TMEM106B: variants seen among roughly 807,000 people sequenced by gnomAD.
TMEM106B encodes transmembrane protein 106B.
Under a neutral mutation model 31.1 loss-of-function variants are expected in TMEM106B, and 15 were observed. That is an observed-to-expected ratio of 0.48 (90% CI 0.32 to 0.74). TMEM106B has a LOEUF of 0.74. TMEM106B is among the 30% of genes least tolerant of loss of function. TMEM106B has a pLI of 0.03. For synonymous variants in TMEM106B, 126 were observed against 112.5 expected (o/e 1.12, Z -0.76); for missense variants, 283 against 327.3 (o/e 0.86, Z 1.04).
chr7:12,235,947 TTC>T lies in TMEM106B; in HGVS notation c.*3978_*3979del, dbSNP rs1375957583. On this transcript the variant is annotated 3_prime_UTR_variant, in exon 8 of 8. Coordinates refer to ENST00000396668, the MANE Select transcript of TMEM106B (RefSeq NM_001134232.2). ...GTACATATAAGAGTAATTAGTTTTA[TTC>T]TCTCTTTTTTATAAAATCGGGTTTC... 1 of 151,352 alleles carries T rather than the reference TTC, an allele frequency of 6.6e-6. No individual in the cohort carries two copies. Among genetic ancestry groups the T allele is most frequent in the Non-Finnish European group, 1.5e-5 (1 of 67,766 alleles). 9.4% of individuals were successfully genotyped at this position (151,352 alleles called of 1,614,324 possible).
chr7:12,234,399 A>T lies in TMEM106B; in HGVS notation c.*2424A>T, dbSNP rs1782087668. 1 of 151,858 alleles carries T rather than the reference A, an allele frequency of 6.6e-6. No individual in the cohort carries two copies. The highest frequency in any genetic ancestry group is 1.5e-5 in the Non-Finnish European group (1 of 67,788). The allele number at this position is 151,858 out of a possible 1,614,324, so 9.4% of individuals were successfully genotyped here. On this transcript the variant is annotated 3_prime_UTR_variant, in exon 8 of 8. Transcript: ENST00000396668. The stretch of plus-strand genomic sequence containing the variant: ...TGAAACAAGTAAAAAGATAGAAGAG[A>T]AATAAAGATGGTATGTGACTACTTT...
chr7:12,221,102 G>A (rs1360592121), intron 3 of TMEM106B, among the ~76,000 whole-genome samples: 1 of 151,988 alleles, frequency 6.6e-6, no homozygotes, highest in African/African-American at 2.4e-5. Context: ...GTGTGTGTGT[G>A]TGTGTGTGTC....
intron 3 of TMEM106B, 85 bp from the exon 4 acceptor site, chr7:12,224,141 G>A: frequency 8.0e-7 from 1 of 1,254,746 alleles, no homozygotes; most frequent in Non-Finnish European, 1.1e-6. Context: ...GCTGATATAT[G>A]GGGGAAATTG....
chr7:12,220,109 A>C (rs1727124827), intron 3 of TMEM106B, among the ~76,000 whole-genome samples: 2 of 152,208 alleles, frequency 1.3e-5, no homozygotes, highest in African/African-American at 4.8e-5. Context: ...CAAACGGATA[A>C]GCAATGGTGT....
At chr7:12,228,820 T>G (rs1390603699) in intron 4 of TMEM106B, among the ~76,000 whole-genome samples, 1 of 152,112 alleles carries the variant, frequency 6.6e-6, no homozygotes, top group Non-Finnish European at 1.5e-5. Flanking sequence ...TAAAGCAATA[T>G]TCCATTTTTA....
In TMEM106B at chr7:12,237,516, A is replaced by T. The variant is rs1782161562; in HGVS notation, c.*5541A>T. The T allele has an allele frequency of 6.6e-6, 1 of 152,114 alleles. No individual in the cohort carries two copies. Among genetic ancestry groups the T allele is most frequent in the South Asian group, 2.1e-4 (1 of 4,828 alleles). 9.4% of individuals were successfully genotyped at this position (152,114 alleles called of 1,614,324 possible). ...GATATTATAGACATACCTTGGATAT[A>T]TTGCAGGTTTGGTTCCACACCATAT... On this transcript the variant is annotated 3_prime_UTR_variant, in exon 8 of 8. Transcript: ENST00000396668.
rs200845239 is a variant in TMEM106B, at chr7:12,224,394, A to C, written c.441+9A>C. 6.3e-7 allele frequency: 1 copy of C among 1,592,906 alleles called. No homozygotes were observed. The highest frequency in any genetic ancestry group is 1.3e-5 in the African/African-American group (1 of 74,456). ...TTTATTTAAATATCACAGTGAGTAT[A>C]AATTTATATGAAAAATGTTTAACTT... On this transcript the variant is annotated intron_variant, in intron 4 of 7. Coordinates refer to ENST00000396668, the MANE Select transcript of TMEM106B (RefSeq NM_001134232.2).
At position 12,240,058 on chromosome 7, in the gene TMEM106B, G is replaced by GA. The variant is rs5882348; in HGVS notation, c.*8088dup. The GA allele has an allele frequency of 0.99, 150,252 of 152,148 alleles. 74,206 individuals carry two copies. The highest frequency in any genetic ancestry group is 1 in the East Asian group (5,145 of 5,148). 9.4% of individuals were successfully genotyped at this position (152,148 alleles called of 1,614,324 possible). A position where few individuals can be genotyped will look rare whatever the true frequency, so the allele number is the denominator to read the frequency against. On this transcript the variant is annotated 3_prime_UTR_variant, in exon 8 of 8. Coordinates refer to ENST00000396668, the MANE Select transcript of TMEM106B (RefSeq NM_001134232.2). ...TATCTGCACTTCCTTCTTTTTTACT[G>GA]AAAAAGCCCAAGTTCTTACTCTGGT...
chr7:12,226,941 C>CT (rs986699164), intron 4 of TMEM106B, among the ~76,000 whole-genome samples: 2 of 151,828 alleles, frequency 1.3e-5, no homozygotes, highest in Non-Finnish European at 2.9e-5. Context: ...ATTGGCCAGA[C>CT]TTTTTTTGGC....
chr7:12,225,433 A>G (rs76854159), intron 4 of TMEM106B, among the ~76,000 whole-genome samples: 79,267 of 151,946 alleles, frequency 0.52, 22,063 homozygotes, highest in African/African-American at 0.71. Flanking sequence ...AGATCCTTGA[A>G]GAATCACCAC....
At position 12,235,719 on chromosome 7, in the gene TMEM106B, A is replaced by ACTG. The variant is rs1782118933; in HGVS notation, c.*3744_*3745insCTG. ...AGAATAAACAGTTCTTTATATAATA[A>ACTG]TTATATTTTATTTAAGAAAATAGTT... On this transcript the variant is annotated 3_prime_UTR_variant, in exon 8 of 8. Transcript: ENST00000396668. 1 of 151,712 alleles carries ACTG rather than the reference A, an allele frequency of 6.6e-6. No homozygotes were observed. Among genetic ancestry groups the ACTG allele is most frequent in the Non-Finnish European group, 1.5e-5 (1 of 67,808 alleles). The allele number at this position is 151,712 out of a possible 1,614,324, so 9.4% of individuals were successfully genotyped here.
In TMEM106B at chr7:12,214,982, A is replaced by G; in HGVS notation, c.172A>G (p.Ser58Gly). Residue 58 changes from serine to glycine, a missense_variant, in exon 2 of 8, where the codon AGT (serine) becomes GGT (glycine). Coordinates refer to ENST00000396668, the MANE Select transcript of TMEM106B (RefSeq NM_001134232.2). Reference protein sequence around the residue: ...FPYVEFTGRDSVTCPTCQGTG... With the variant: ...FPYVEFTGRDGVTCPTCQGTG... ...ATATGTGGAATTTACAGGAAGAGAT[A>G]GTGTCACCTGCCCTACTTGTCAGGG... 1 of 1,614,038 alleles carries G rather than the reference A, an allele frequency of 6.2e-7. No homozygotes were observed. The highest frequency in any genetic ancestry group is 8.5e-7 in the Non-Finnish European group (1 of 1,179,942).
chr7:12,241,583 A>G lies in TMEM106B; in HGVS notation c.*9608A>G, dbSNP rs2128530285. Reference sequence around the variant, plus strand: ...ATATCCCTGAAAAGGACATGAACTCATCCTTTTTTATGGCTGCATAGTATT... The same window carrying G: ...ATATCCCTGAAAAGGACATGAACTCGTCCTTTTTTATGGCTGCATAGTATT... On this transcript the variant is annotated 3_prime_UTR_variant, in exon 8 of 8. Transcript: ENST00000396668. The G allele has an allele frequency of 6.6e-6, 1 of 152,268 alleles. No homozygotes were observed. The highest frequency in any genetic ancestry group is 2.4e-5 in the African/African-American group (1 of 41,534). 9.4% of individuals were successfully genotyped at this position (152,268 alleles called of 1,614,324 possible). A position where few individuals can be genotyped will look rare whatever the true frequency, so the allele number is the denominator to read the frequency against.
chr7:12,238,715 G>C lies in TMEM106B; in HGVS notation c.*6740G>C, dbSNP rs569363940. 1 of 152,096 alleles carries C rather than the reference G, an allele frequency of 6.6e-6. No individual in the cohort carries two copies. The highest frequency in any genetic ancestry group is 1.5e-5 in the Non-Finnish European group (1 of 68,030). 9.4% of individuals were successfully genotyped at this position (152,096 alleles called of 1,614,324 possible). A position where few individuals can be genotyped will look rare whatever the true frequency, so the allele number is the denominator to read the frequency against. ...TATTTGTACATCATCAGAGCTGTTG[G>C]GTGACCAGGTACATTGTCAATGAGT... On this transcript the variant is annotated 3_prime_UTR_variant, in exon 8 of 8. Transcript: ENST00000396668.
chr7:12,216,441 C>T (rs1332685893), intron 2 of TMEM106B, among the ~76,000 whole-genome samples: 5 of 151,996 alleles, frequency 3.3e-5, no homozygotes, highest in African/African-American at 1.2e-4. Flanking sequence ...CAAGTTTAGA[C>T]ATGGATATTT....
rs895100831 is a variant in TMEM106B, at chr7:12,237,543, G to A, written c.*5568G>A. 2.0e-5 allele frequency: 3 copies of A among 152,022 alleles called. No homozygotes were observed. Among genetic ancestry groups the A allele is most frequent in the East Asian group, 3.9e-4 (2 of 5,186 alleles). 9.4% of individuals were successfully genotyped at this position (152,022 alleles called of 1,614,324 possible). A position where few individuals can be genotyped will look rare whatever the true frequency, so the allele number is the denominator to read the frequency against. ...TGCAGGTTTGGTTCCACACCATATC[G>A]ATAAAGTGATATAATCAAGCAAGTT... On this transcript the variant is annotated 3_prime_UTR_variant, in exon 8 of 8. Transcript: ENST00000396668.
Position 12,233,756 on chromosome 7 carries a change from G to A in TMEM106B, c.*1781G>A, listed in dbSNP as rs1226956274. 1.3e-5 allele frequency: 2 copies of A among 150,482 alleles called. No homozygotes were observed. Among genetic ancestry groups the A allele is most frequent in the Non-Finnish European group, 3.0e-5 (2 of 67,422 alleles). The allele number at this position is 150,482 out of a possible 1,614,324, so 9.3% of individuals were successfully genotyped here. A position where few individuals can be genotyped will look rare whatever the true frequency, so the allele number is the denominator to read the frequency against. On this transcript the variant is annotated 3_prime_UTR_variant, in exon 8 of 8. Coordinates refer to ENST00000396668, the MANE Select transcript of TMEM106B (RefSeq NM_001134232.2). ...TGCATACTTCTCTGATACAGGTTCTGTTTGTATTTTTTATATCATTCTCAT... is the reference window on the plus strand; with the variant it reads ...TGCATACTTCTCTGATACAGGTTCTATTTGTATTTTTTATATCATTCTCAT...
intron 3 of TMEM106B, 97 bp downstream of exon 3, chr7:12,218,618 G>GA: frequency 2.1e-6 from 2 of 962,694 alleles, no homozygotes; most frequent in Non-Finnish European, 3.1e-6. Context: ...ACTATTAAAA[G>GA]AAAAAATGCT....
rs1583227927 is a variant in TMEM106B at position 12,242,934 on chromosome 7, A to G, written c.*10959A>G. 6.6e-6 allele frequency: 1 copy of G among 152,244 alleles called. No homozygotes were observed. Among genetic ancestry groups the G allele is most frequent in the Non-Finnish European group, 1.5e-5 (1 of 67,962 alleles). The allele number at this position is 152,244 out of a possible 1,614,324, so 9.4% of individuals were successfully genotyped here. A position where few individuals can be genotyped will look rare whatever the true frequency, so the allele number is the denominator to read the frequency against. ...TGATTTATTTATTGCCTATGTACCTATACTAGAACATAGTAAACATGAGAA... is the reference window on the plus strand; with the variant it reads ...TGATTTATTTATTGCCTATGTACCTGTACTAGAACATAGTAAACATGAGAA... On this transcript the variant is annotated 3_prime_UTR_variant, in exon 8 of 8. Coordinates refer to ENST00000396668, the MANE Select transcript of TMEM106B (RefSeq NM_001134232.2).
Sources: allele counts gnomAD v4.1 joint callset (sites outside exome capture counted in the v4.1 genomes callset), GRCh38; gene constraint gnomAD v4.1.1; transcripts MANE v1.5; gene names NCBI Gene and HGNC (gene_info 2026-07-23, HGNC 2026-07-21).